The following PCDH9 variants were observed in gnomAD, a reference collection of about 807,000 sequenced individuals.
The protein encoded by PCDH9 is protocadherin-9.
In PCDH9, 24 loss-of-function variants were observed where a neutral mutation model predicts 70.6. The ratio of observed to expected loss-of-function variants is 0.34; its 90% CI spans 0.25 to 0.48. PCDH9 has a LOEUF of 0.48. Ranked by LOEUF, PCDH9 falls within the 20% of genes least tolerant of loss-of-function variation. The pLI, the probability that PCDH9 is intolerant of heterozygous loss-of-function variation, is 0.99. For synonymous variants in PCDH9, 562 were observed against 558.5 expected, an observed-to-expected ratio of 1.01 and a Z score of -0.09; for missense variants, 1,281 against 1,503.6, an observed-to-expected ratio of 0.85 and a Z score of 2.45.
At chr13:66,827,016 AT>A (rs1434554668) in intron 3 of PCDH9, among the ~76,000 whole-genome samples, 3 of 152,180 alleles carry the variant, frequency 2.0e-5, no homozygotes, top group Non-Finnish European at 4.4e-5. Context: ...ATTATTCTGG[AT>A]TGTAAGGGTG....
intron 4 of PCDH9, among the ~76,000 whole-genome samples, chr13:66,307,837 C>T (rs139523041): frequency 6.6e-5 from 10 of 152,062 alleles, no homozygotes; most frequent in East Asian, 1.9e-4. Flanking sequence ...GTGTTGTGTG[C>T]GCGTTTATAA....
rs112406835 is a variant in PCDH9 at position 66,348,652 on chromosome 13, G to C, written c.3341-43624C>G. On this transcript the variant is annotated intron_variant, in intron 4 of 4. Coordinates refer to ENST00000377865, the MANE Select transcript of PCDH9 (RefSeq NM_203487.3). ...TCTAACCTATTGCCATATTTCTCAA[G>C]TGCTTGTATAGTGCTATTTGCCATT... 4.1e-3 allele frequency among the ~76,000 whole-genome samples: 599 copies of C among 145,168 alleles called. 4 individuals carry two copies. Among genetic ancestry groups the C allele is most frequent in the African/African-American group, 0.014 (570 of 39,372 alleles).
At chr13:66,498,016 C>T (rs191524783) in intron 4 of PCDH9, among the ~76,000 whole-genome samples, 348 of 151,822 alleles carry the variant, frequency 2.3e-3, no homozygotes, top group African/African-American at 8.0e-3. Context: ...GATGGGGTTT[C>T]GCCATGTTGG....
At position 66,893,265 on chromosome 13, in the gene PCDH9, G is replaced by C. The variant is rs2082124392; in HGVS notation, c.3138+10239C>G. ...ACATATATCAATAAATTCTGATTTAGGATTGGGATTTGCTCTAACAGAAGA... is the reference window on the plus strand; with the variant it reads ...ACATATATCAATAAATTCTGATTTACGATTGGGATTTGCTCTAACAGAAGA... On this transcript the variant is annotated intron_variant, in intron 3 of 4. Transcript: ENST00000377865. 2.0e-5 allele frequency among the ~76,000 whole-genome samples: 3 copies of C among 152,120 alleles called. No homozygotes were observed. In the South Asian group the frequency reaches 6.2e-4, roughly 31 times the overall value.
chr13:66,399,077 C>T (rs761698081), intron 4 of PCDH9, among the ~76,000 whole-genome samples: 1 of 152,058 alleles, frequency 6.6e-6, no homozygotes, highest in Non-Finnish European at 1.5e-5. Flanking sequence ...TTTTTACAAT[C>T]TTGCTTTTTC....
intron 2 of PCDH9, among the ~76,000 whole-genome samples, chr13:67,085,907 G>C (rs1473232056): frequency 6.6e-6 from 1 of 152,114 alleles, no homozygotes; most frequent in Non-Finnish European, 1.5e-5. Flanking sequence ...GTAATGTTCG[G>C]TTTCAGAATC....
At chr13:66,834,814 A>C (rs922990818) in intron 3 of PCDH9, among the ~76,000 whole-genome samples, 1 of 152,350 alleles carries the variant, frequency 6.6e-6, no homozygotes, top group Non-Finnish European at 1.5e-5. Flanking sequence ...CTACTGATCC[A>C]CTTAACACTT....
chr13:66,421,735 T>C (rs1211855459), intron 4 of PCDH9, among the ~76,000 whole-genome samples: 1 of 152,096 alleles, frequency 6.6e-6, no homozygotes, highest in African/African-American at 2.4e-5. Flanking sequence ...CCATTGACAC[T>C]ATGAAGAAAC....
chr13:67,071,888 C>CA (rs5804309), intron 2 of PCDH9, among the ~76,000 whole-genome samples: 930 of 86,512 alleles, frequency 0.011, 14 homozygotes, highest in African/African-American at 0.035. Flanking sequence ...GACTTTGTCT[C>CA]AAAAAAAAAA....
intron 3 of PCDH9, among the ~76,000 whole-genome samples, chr13:66,737,788 C>T (rs138637737): frequency 7.2e-5 from 11 of 152,306 alleles, no homozygotes; most frequent in African/African-American, 2.2e-4. Flanking sequence ...CTTTTCAGAC[C>T]GGCTTAGAAA....
chr13:66,377,490 T>C (rs1023994008), intron 4 of PCDH9, among the ~76,000 whole-genome samples: 6 of 151,944 alleles, frequency 3.9e-5, no homozygotes, highest in African/African-American at 1.5e-4. Context: ...AATATTTTCA[T>C]TCTTAAAAGA....
At chr13:66,473,057 C>A (rs764492965) in intron 4 of PCDH9, among the ~76,000 whole-genome samples, 4 of 151,390 alleles carry the variant, frequency 2.6e-5, no homozygotes, top group Non-Finnish European at 5.9e-5. Flanking sequence ...AATAGGTATC[C>A]CAGGAATCAC....
At chr13:66,430,921 C>A (rs1318719714) in intron 4 of PCDH9, among the ~76,000 whole-genome samples, 1 of 152,038 alleles carries the variant, frequency 6.6e-6, no homozygotes, top group Admixed American at 6.6e-5. Context: ...AGATTACATG[C>A]AGCAATTCAT....
chr13:67,170,337 T>C (rs577705152), intron 2 of PCDH9, among the ~76,000 whole-genome samples: 1 of 152,184 alleles, frequency 6.6e-6, no homozygotes, highest in Non-Finnish European at 1.5e-5. Flanking sequence ...ATAATAATTA[T>C]TTTTCTAACA....
intron 2 of PCDH9, among the ~76,000 whole-genome samples, chr13:67,109,524 C>T (rs1320565370): frequency 6.6e-6 from 1 of 152,162 alleles, no homozygotes; most frequent in African/African-American, 2.4e-5. Flanking sequence ...TAAACCTTCA[C>T]TTCTGATTTT....
At chr13:66,987,580 G>A (rs937877638) in intron 2 of PCDH9, among the ~76,000 whole-genome samples, 1 of 151,866 alleles carries the variant, frequency 6.6e-6, no homozygotes, top group African/African-American at 2.4e-5. Flanking sequence ...TAGCTGATAC[G>A]CACCTCATTT....
intron 3 of PCDH9, among the ~76,000 whole-genome samples, chr13:66,637,663 G>A (rs551542127): frequency 7.2e-5 from 11 of 152,072 alleles, no homozygotes; most frequent in South Asian, 2.1e-4. Context: ...CCTGTATTCC[G>A]AGCACTTTGG....
chr13:66,696,998 T>C (rs984716059), intron 3 of PCDH9, among the ~76,000 whole-genome samples: 2 of 151,828 alleles, frequency 1.3e-5, no homozygotes, highest in African/African-American at 4.8e-5. Context: ...CTCAGGAGGC[T>C]GAGGAGGGAG....
intron 4 of PCDH9, among the ~76,000 whole-genome samples, chr13:66,470,317 T>A (rs1958593432): frequency 6.6e-6 from 1 of 152,162 alleles, no homozygotes; most frequent in South Asian, 2.1e-4. Flanking sequence ...TATATATCCT[T>A]CTGTTGAATT....
Sources: allele counts gnomAD v4.1 joint callset (sites outside exome capture counted in the v4.1 genomes callset), GRCh38; gene constraint gnomAD v4.1.1; transcripts MANE v1.5; gene names NCBI Gene and HGNC (gene_info 2026-07-23, HGNC 2026-07-21).